Variants in ADAR observed in about 807,000 individuals in gnomAD.
ADAR encodes the protein double-stranded RNA-specific adenosine deaminase.
A neutral mutation model predicts 113.2 loss-of-function variants in ADAR; 41 were observed. The observed-to-expected ratio is 0.36, with a 90% CI of 0.28 to 0.47. The LOEUF is 0.47. ADAR is among the 20% of genes least tolerant of loss of function. The probability of loss-of-function intolerance (pLI) is 1.00; values close to 1 mark genes in which losing one functional copy is unlikely to be tolerated. For synonymous variants in ADAR, 605 were observed against 572.6 expected (o/e 1.06, Z -0.81); for missense variants, 1,242 against 1,540.9 (o/e 0.81, Z 3.25).
rs181927198 is a variant in ADAR, at chr1:154,619,762, C to T, written c.-871+8093G>A. 3.3e-3 allele frequency among the ~76,000 whole-genome samples: 503 copies of T among 152,262 alleles called. 1 individual carries two copies. Among genetic ancestry groups the T allele is most frequent in the African/African-American group, 0.011 (463 of 41,542 alleles). On this transcript the variant is annotated intron_variant, in intron 1 of 14. Coordinates refer to the ADAR transcript ENST00000368471. ...ACAATGGGATGCCGCTTCACAGCTACAGAATGGCTAAAATAAAAAAAGACT... is the reference window on the plus strand; with the variant it reads ...ACAATGGGATGCCGCTTCACAGCTATAGAATGGCTAAAATAAAAAAAGACT...
In ADAR at chr1:154,588,105, C is replaced by T. The variant is rs541066272; in HGVS notation, c.3019+20G>A. ...TGCAGAGCCTTTTGAGGAAAGGAGG[C>T]GGGGGCATGTATCACTCACCGTTCT... On this transcript the variant is annotated intron_variant, in intron 11 of 14. Coordinates refer to ENST00000368474, the MANE Select transcript of ADAR (RefSeq NM_001111.5). 6 of 1,612,824 alleles carry T rather than the reference C, an allele frequency of 3.7e-6. No homozygotes were observed. The highest frequency in any genetic ancestry group is 3.3e-5 in the Admixed American group (2 of 60,010).
rs1376546828 is a variant in ADAR at position 154,582,062 on chromosome 1, A to T, written c.*2744T>A. 1 of 152,552 alleles carries T rather than the reference A, an allele frequency of 6.6e-6. No individual in the cohort carries two copies. The highest frequency in any genetic ancestry group is 2.4e-5 in the African/African-American group (1 of 41,408). The allele number at this position is 152,552 out of a possible 1,614,324, so 9.4% of individuals were successfully genotyped here. A position where few individuals can be genotyped will look rare whatever the true frequency, so the allele number is the denominator to read the frequency against. ...AAGAAACCAGGACTTAAAACTTTCT[A>T]AGAATTCAGATTCTTGTTTTTTTTT... On this transcript the variant is annotated 3_prime_UTR_variant, in exon 15 of 15. Transcript: ENST00000368474.
At chr1:154,612,315 T>C (rs540351238), upstream of ADAR, among the ~76,000 whole-genome samples, 50 of 140,490 alleles carry the variant, frequency 3.6e-4, no homozygotes, top group South Asian at 9.1e-4. Context: ...AATAAATTAC[T>C]CAGTTTTTTT....
intron 2 of ADAR, chr1:154,600,535 G>A (rs1302010887): frequency 2.8e-5 from 5 of 180,476 alleles, no homozygotes; most frequent in East Asian, 1.4e-4. Flanking sequence ...GTGCAGTGGC[G>A]CAATCTCAGT....
At chr1:154,622,429 A>C (rs1324364540) in intron 1 of ADAR, among the ~76,000 whole-genome samples, 3 of 152,226 alleles carry the variant, frequency 2.0e-5, no homozygotes, top group Non-Finnish European at 4.4e-5. Context: ...CTTGGTCCCC[A>C]AACTCCAGTC....
intron 1 of ADAR, among the ~76,000 whole-genome samples, chr1:154,626,104 C>A (rs1698928300): frequency 7.2e-6 from 1 of 139,116 alleles, no homozygotes; most frequent in Non-Finnish European, 1.5e-5. Flanking sequence ...AAATGAGAAG[C>A]TATAATTAAT....
chr1:154,599,810 G>C (rs903321), intron 2 of ADAR, among the ~76,000 whole-genome samples: 151,385 of 152,346 alleles, frequency 0.99, 75,219 homozygotes, highest in East Asian at 1. Context: ...GTGAGGTAAA[G>C]GCTGACTTCA....
At chr1:154,595,115 A>G (rs996353561) in intron 6 of ADAR, among the ~76,000 whole-genome samples, 1 of 152,212 alleles carries the variant, frequency 6.6e-6, no homozygotes, top group Non-Finnish European at 1.5e-5. Context: ...CGAGCAAGAA[A>G]GCATTCTGGT....
rs1316069471 is a variant in ADAR at position 154,605,076 on chromosome 1, G to A, written c.16-2450C>T. Among the ~76,000 whole-genome samples the A allele has an allele frequency of 2.0e-5, 3 of 152,240 alleles. 1 individual carries two copies. Among genetic ancestry groups the A allele is most frequent in the Admixed American group, 1.3e-4 (2 of 15,294 alleles). On this transcript the variant is annotated intron_variant, in intron 1 of 14. Coordinates refer to ENST00000368474, the MANE Select transcript of ADAR (RefSeq NM_001111.5). ...GAAACCTGCGTCATCTTTGCTGCCCGCCTCCTGGCCTCATCTCCTGGATCT... is the reference window on the plus strand; with the variant it reads ...GAAACCTGCGTCATCTTTGCTGCCCACCTCCTGGCCTCATCTCCTGGATCT...
At chr1:154,609,624 G>A (rs1698414086), upstream of ADAR, among the ~76,000 whole-genome samples, 1 of 152,168 alleles carries the variant, frequency 6.6e-6, no homozygotes, top group Non-Finnish European at 1.5e-5. Context: ...AGGGGGAGAG[G>A]AGGGGGAGCA....
intron 1 of ADAR, among the ~76,000 whole-genome samples, chr1:154,624,988 C>G (rs1571154587): frequency 6.6e-6 from 1 of 152,166 alleles, no homozygotes; most frequent in East Asian, 1.9e-4. Flanking sequence ...GTGTAATAAG[C>G]ACTGGGCCTC....
Position 154,620,405 on chromosome 1 carries a change from C to CA in ADAR, c.-871+7449dup, listed in dbSNP as rs368579988. Among the ~76,000 whole-genome samples the CA allele has an allele frequency of 5.4e-3, 722 of 133,330 alleles. 4 individuals carry two copies. Among genetic ancestry groups the CA allele is most frequent in the East Asian group, 0.014 (63 of 4,628 alleles). 87.5% of individuals were successfully genotyped at this position (133,330 alleles called of 152,430 possible). On this transcript the variant is annotated intron_variant, in intron 1 of 14. Coordinates refer to the ADAR transcript ENST00000368471. The stretch of plus-strand genomic sequence containing the variant: ...TGGGTAACAGAGCAAGGCTCCGTCT[C>CA]AAAAAAAAAAACAAACAATGGTTTA...
intron 14 of ADAR, 77 bp downstream of exon 14, chr1:154,585,140 G>A: frequency 1.2e-6 from 2 of 1,613,424 alleles, no homozygotes. Context: ...CTCAAGCCCT[G>A]AGACTGCAGA....
At chr1:154,597,793 A>G (rs771946666) in intron 4 of ADAR, 35 bp downstream of exon 4, 33 of 1,613,520 alleles carry the variant, frequency 2.0e-5, no homozygotes, top group Non-Finnish European at 2.7e-5. Context: ...CTTTCTGAGA[A>G]AACCTCAGCT....
Position 154,597,837 on chromosome 1 carries a change from T to G in ADAR, c.1925A>C (p.His642Pro), listed in dbSNP as rs1305422513. The change falls in exon 4 of 15, where the codon CAT becomes CCT. Residue 642 changes from histidine (H) to proline (P), a missense_variant. Physicochemically the swap from His to Pro is moderately conservative, Grantham distance 77. Transcript: ENST00000368474. ...GACACGTAGGACATACTTGGGTTCA[T>G]GGGCAGGGCCTTCTTTGGACAGGAG... ...FRLLSKEGPA[H>P]EPKFQYCVAV... 6.2e-7 allele frequency: 1 copy of G among 1,614,150 alleles called. No homozygotes were observed. Among genetic ancestry groups the G allele is most frequent in the Non-Finnish European group, 8.5e-7 (1 of 1,180,020 alleles).
chr1:154,609,695 G>C, upstream of ADAR, among the ~76,000 whole-genome samples: 1 of 152,226 alleles, frequency 6.6e-6, no homozygotes, highest in East Asian at 1.9e-4. Context: ...ACCCCTAATA[G>C]GGCACTTGCA....
rs1333748579 is a variant in ADAR at position 154,601,079 on chromosome 1, G to C, written c.1563C>G (p.Phe521Leu). Residue 521 changes from phenylalanine (F) to leucine (L), a missense_variant, in exon 2 of 15, where the codon TTC becomes TTG. Physicochemically the swap from Phe to Leu is conservative, Grantham distance 22 (BLOSUM62 0). Transcript: ENST00000368474. The surrounding 1 kb of genome is among the most constrained non-coding windows in gnomAD (Gnocchi z 4.7). ...YAQFASQTCEFNMIEQSGPPH... is the reference protein window; with the variant it reads ...YAQFASQTCELNMIEQSGPPH... ...GTGGTCCACTCTGCTCTATCATGTT[G>C]AACTCACAGGTTTGACTAGCGAACT... 1 of 1,614,160 alleles carries C rather than the reference G, an allele frequency of 6.2e-7. No homozygotes were observed. The highest frequency in any genetic ancestry group is 8.5e-7 in the Non-Finnish European group (1 of 1,180,036).
chr1:154,588,331 G>C (rs1696901006), intron 10 of ADAR, 73 bp from the exon 11 acceptor site: 9 of 1,606,862 alleles, frequency 5.6e-6, no homozygotes, highest in Non-Finnish European at 7.7e-6. Flanking sequence ...AAAACAGTCA[G>C]ATGTGACAGA....
At chr1:154,613,280 GCTT>G (rs746532162) in intron 1 of ADAR, among the ~76,000 whole-genome samples, 7 of 111,632 alleles carry the variant, frequency 6.3e-5, no homozygotes, top group Admixed American at 2.6e-4. Flanking sequence ...ATCACAAATG[GCTT>G]TTTTTTTTTT....
Sources: allele counts gnomAD v4.1 joint callset (sites outside exome capture counted in the v4.1 genomes callset), GRCh38; gene constraint gnomAD v4.1.1; non-coding constraint Gnocchi (gnomAD v3.1); transcripts MANE v1.5; gene names NCBI Gene and HGNC (gene_info 2026-07-23, HGNC 2026-07-21).